The following SPTBN2 variants were observed in gnomAD, a reference collection of about 807,000 sequenced individuals.
The protein encoded by SPTBN2 is spectrin beta chain, non-erythrocytic 2.
SPTBN2 carries 107 observed loss-of-function variants against 284.2 expected under a neutral mutation model. That is an observed-to-expected ratio of 0.38 (90% CI 0.32 to 0.44). The LOEUF is 0.44. Among genes scored for constraint, SPTBN2 ranks in the 20% least tolerant of loss-of-function variants. The pLI, the probability that SPTBN2 is intolerant of heterozygous loss-of-function variation, is 1.00. For synonymous variants in SPTBN2, 1,289 were observed against 1,354.8 expected, an observed-to-expected ratio of 0.95 and a Z score of 1.07; for missense variants, 2,569 against 3,287.1, an observed-to-expected ratio of 0.78 and a Z score of 5.34.
Position 66,691,258 on chromosome 11 carries a change from C to A in SPTBN2, c.5565+26G>T. 2.0e-6 allele frequency: 3 copies of A among 1,513,464 alleles called. No individual in the cohort carries two copies. Among genetic ancestry groups the A allele is most frequent in the Non-Finnish European group, 2.7e-6 (3 of 1,129,932 alleles). The allele number at this position is 1,513,464 out of a possible 1,614,324, so 93.8% of individuals were successfully genotyped here. ...CCCCCATGGCCTCCTCTAAGCCTCC[C>A]CCACCTCCTCATGCTTGGGTCAGAC... On this transcript the variant is annotated intron_variant, in intron 27 of 37. Coordinates refer to ENST00000533211, the MANE Select transcript of SPTBN2 (RefSeq NM_006946.4). This position sits in a 1 kb window ranked among gnomAD's most constrained non-coding sequence, Gnocchi z 8.0.
rs754644727 is a variant in SPTBN2, at chr11:66,701,628, T to G, written c.2772A>C (p.Pro924=). The G allele has an allele frequency of 1.2e-6, 2 of 1,614,108 alleles. No homozygotes were observed. Among genetic ancestry groups the G allele is most frequent in the Admixed American group, 1.7e-5 (1 of 60,016 alleles). ...GGGTGTTGACAATGCGGTCTTTGCCTGGGGGGTTGGCCTTCAGTAACTGCT... is the reference window on the plus strand; with the variant it reads ...GGGTGTTGACAATGCGGTCTTTGCCGGGGGGGTTGGCCTTCAGTAACTGCT... ...IAEQLLKANP[P]GKDRIVNTQE... The change falls in exon 16 of 38, where the codon CCA becomes CCC. Residue 924 remains proline, a synonymous_variant. Transcript: ENST00000533211.
At chr11:66,729,605 T>C (rs1205710577), upstream of SPTBN2, among the ~76,000 whole-genome samples, 2 of 152,232 alleles carry the variant, frequency 1.3e-5, no homozygotes, top group Admixed American at 6.5e-5. Flanking sequence ...GATATGGTTT[T>C]GACAACCCTA....
At position 66,689,146 on chromosome 11, in the gene SPTBN2, C is replaced by A; in HGVS notation, c.5984G>T (p.Arg1995Leu). The A allele has an allele frequency of 6.2e-7, 1 of 1,609,936 alleles. No homozygotes were observed. Residue 1995 changes from arginine (R) to leucine (L), a missense_variant, in exon 30 of 38, where the codon CGC becomes CTC. Transcript: ENST00000533211. ...CTGCCACTTCTCAGCTGTCTCCTGG[C>A]GCCGTGCCTGCAGCTGAGACAGCTT... ...SEKLSQLQAR[R>L]QETAEKWQEK... is the part of the protein sequence containing the mutation.
chr11:66,723,822 A>G (rs1037632895), intron 1 of SPTBN2, among the ~76,000 whole-genome samples: 1 of 152,176 alleles, frequency 6.6e-6, no homozygotes, highest in South Asian at 2.1e-4. Flanking sequence ...GACCTGAACT[A>G]GCGTCACCTA....
upstream of SPTBN2, among the ~76,000 whole-genome samples, chr11:66,734,224 G>A (rs2135606785): frequency 6.6e-6 from 1 of 152,040 alleles, no homozygotes; most frequent in South Asian, 2.1e-4. Context: ...TGATGGTGGT[G>A]TTTTGTCTAG....
rs1163250228 is a variant in SPTBN2, at chr11:66,686,396, A to G, written c.6939+2T>C. On this transcript the variant is annotated splice_donor_variant, in intron 37 of 37. Coordinates refer to ENST00000533211, the MANE Select transcript of SPTBN2 (RefSeq NM_006946.4). LOFTEE classifies it high-confidence loss of function. ...CAGAGAGGAACACGAAGGACAGCTC[A>G]CCTCATCCTTGGCCTGGAATAAATA... 6.2e-7 allele frequency: 1 copy of G among 1,613,984 alleles called. No homozygotes were observed. The highest frequency in any genetic ancestry group is 8.5e-7 in the Non-Finnish European group (1 of 1,179,994).
At chr11:66,722,376 C>A (rs1370935041) in intron 1 of SPTBN2, among the ~76,000 whole-genome samples, 1 of 150,752 alleles carries the variant, frequency 6.6e-6, no homozygotes, top group Non-Finnish European at 1.5e-5. Flanking sequence ...AGATCGAGAC[C>A]ATCCCTGGCT....
At position 66,701,051 on chromosome 11, in the gene SPTBN2, G is replaced by T; in HGVS notation, c.3048C>A (p.Gly1016=). 6.2e-7 allele frequency: 1 copy of T among 1,609,792 alleles called. No homozygotes were observed. ...RDLEAIAARV[G]ELTREANALA... is the part of the protein sequence containing the mutation. ...GGGCATTTGCCTCTCGAGTCAGTTC[G>T]CCCACCCGGGCGGCGATGGCCTCCA... The change falls in exon 17 of 38, where the codon GGC becomes GGA. Residue 1016 remains glycine, a synonymous_variant. Coordinates refer to ENST00000533211, the MANE Select transcript of SPTBN2 (RefSeq NM_006946.4).
chr11:66,702,341 T>G (rs1332416166), intron 15 of SPTBN2, among the ~76,000 whole-genome samples: 1 of 152,092 alleles, frequency 6.6e-6, no homozygotes, highest in Non-Finnish European at 1.5e-5. Context: ...AATTTTTGTA[T>G]TTTTGGTGGA....
chr11:66,699,020 T>C lies in SPTBN2; in HGVS notation c.3839A>G (p.Gln1280Arg). The C allele has an allele frequency of 6.2e-7, 1 of 1,614,232 alleles. No individual in the cohort carries two copies. Among genetic ancestry groups the C allele is most frequent in the Non-Finnish European group, 8.5e-7 (1 of 1,180,036 alleles). Reference sequence around the variant, plus strand: ...GTGACAATCTTGCAGGAAATGCTGCTGCTCCCGGTTGTCCCGAAGACGGCC... The same window carrying C: ...GTGACAATCTTGCAGGAAATGCTGCCGCTCCCGGTTGTCCCGAAGACGGCC... ...FLGRLRDNRE[Q>R]QHFLQDCHEL... is the part of the protein sequence containing the mutation. The change falls in exon 19 of 38, where the codon CAG (glutamine) becomes CGG (arginine). Residue 1280 changes from glutamine to arginine, a missense_variant. Around this residue, in one of 6 missense-constraint regions of SPTBN2, gnomAD observed 1,012 missense variants for 1,248.9 expected, o/e 0.81. Coordinates refer to ENST00000533211, the MANE Select transcript of SPTBN2 (RefSeq NM_006946.4).
Position 66,687,582 on chromosome 11 carries a change from C to T in SPTBN2, c.6567G>A (p.Pro2189=), listed in dbSNP as rs919248019. 8.1e-6 allele frequency: 13 copies of T among 1,610,854 alleles called. No homozygotes were observed. Among genetic ancestry groups the T allele is most frequent in the Admixed American group, 1.7e-5 (1 of 59,982 alleles). Residue 2189 remains proline (P), a synonymous_variant, in exon 35 of 38, where the codon CCG becomes CCA. Coordinates refer to ENST00000533211, the MANE Select transcript of SPTBN2 (RefSeq NM_006946.4). The surrounding 1 kb of genome is among the most constrained non-coding windows in gnomAD (Gnocchi z 5.2). ...TGCTCTGGGGCATTGCAGATGGGGC[C>T]GGGCCCCGAGTCCGGGTCTGCCTCT... The part of the protein sequence containing the change: ...RGERQTRTRG[P]APSAMPQSRS...
chr11:66,690,336 A>T, intron 27 of SPTBN2, 53 bp from the exon 28 acceptor site: 6 of 1,508,276 alleles, frequency 4.0e-6, no homozygotes, highest in Non-Finnish European at 5.3e-6. Context: ...AAGGAGCCGC[A>T]GCCTGCCTCA....
chr11:66,742,459 C>G (rs1461152096), intron 1 of SPTBN2, among the ~76,000 whole-genome samples: 1 of 152,074 alleles, frequency 6.6e-6, no homozygotes, highest in African/African-American at 2.4e-5. Context: ...TCCATTACAC[C>G]TTTATCCCTG....
intron 8 of SPTBN2, among the ~76,000 whole-genome samples, 197 bp downstream of exon 8, chr11:66,713,434 C>T (rs540278390): frequency 1.3e-5 from 2 of 152,122 alleles, no homozygotes; most frequent in East Asian, 1.9e-4. Flanking sequence ...TGAGCAACCA[C>T]GTGTTTTTCA....
rs143573774 is a variant in SPTBN2 at position 66,683,956 on chromosome 11, C to T, written c.*1915G>A. 4.6e-5 allele frequency among the ~76,000 whole-genome samples: 7 copies of T among 152,332 alleles called. No homozygotes were observed. The East Asian group carries it at 7.7e-4, about 17-fold the overall frequency. ...GTCCCATGACAGATTGTTCTAGTTA[C>T]GCGTATCCACCTGTTGGCTGTGGAA... On this transcript the variant is annotated 3_prime_UTR_variant, in exon 38 of 38. Coordinates refer to ENST00000533211, the MANE Select transcript of SPTBN2 (RefSeq NM_006946.4).
chr11:66,744,618 G>T (rs902057402), exon 1 of SPTBN2: 4 of 263,202 alleles, frequency 1.5e-5, no homozygotes, highest in Non-Finnish European at 2.6e-5. Flanking sequence ...CACCCGCGGC[G>T]CTCAGAGGCT....
In SPTBN2 at chr11:66,687,791, TC is replaced by T. The variant is rs1382513200; in HGVS notation, c.6501+76del. On this transcript the variant is annotated intron_variant, in intron 34 of 37. Transcript: ENST00000533211. The surrounding 1 kb of genome is among the most constrained non-coding windows in gnomAD (Gnocchi z 5.2). ...CCCTCTCCCATCCCATCCCCAGTAC[TC>T]CCCCACCCGCACTCACCACCCCCTC... The T allele has an allele frequency of 6.4e-7, 1 of 1,551,878 alleles. No homozygotes were observed. Among genetic ancestry groups the T allele is most frequent in the African/African-American group, 1.4e-5 (1 of 73,422 alleles).
At chr11:66,713,958 C>T (rs2135512573) in intron 7 of SPTBN2, 133 bp downstream of exon 7, 1 of 1,016,508 alleles carries the variant, frequency 9.8e-7, no homozygotes, top group Non-Finnish European at 1.5e-6. Flanking sequence ...CCCCCATGTT[C>T]TGGTTCTGCT....
At chr11:66,743,927 C>T (rs1005109819) in intron 1 of SPTBN2, among the ~76,000 whole-genome samples, 22 of 151,986 alleles carry the variant, frequency 1.4e-4, no homozygotes, top group African/African-American at 5.3e-4. Flanking sequence ...ATGACGCGAT[C>T]TCGGCTCACT....
Sources: allele counts gnomAD v4.1 joint callset (sites outside exome capture counted in the v4.1 genomes callset), GRCh38; gene constraint gnomAD v4.1.1; regional missense constraint gnomAD v4.1.1; non-coding constraint Gnocchi (gnomAD v3.1); transcripts MANE v1.5; gene names NCBI Gene and HGNC (gene_info 2026-07-23, HGNC 2026-07-21).